The following HS3ST4 variants were observed in gnomAD, a reference collection of about 807,000 sequenced individuals.
HS3ST4 encodes the protein heparan sulfate-glucosamine 3-sulfotransferase 4.
Under a neutral mutation model 29.2 loss-of-function variants are expected in HS3ST4, and 17 were observed. The observed-to-expected ratio is 0.58, with a 90% CI of 0.40 to 0.87. The LOEUF is 0.87. Ranked by LOEUF, HS3ST4 falls within the 40% of genes least tolerant of loss-of-function variation. The pLI is 0.00. For missense variants in HS3ST4, 627 were observed against 634.5 expected (o/e 0.99, Z 0.13); for synonymous variants, 314 against 285.7 (o/e 1.10, Z -1.00).
chr16:26,053,011 G>A (rs1428432695), intron 1 of HS3ST4, among the ~76,000 whole-genome samples: 1 of 152,228 alleles, frequency 6.6e-6, no homozygotes, highest in African/African-American at 2.4e-5. Context: ...ATTGGAAAAA[G>A]TGAAGTAAAC....
chr16:25,932,683 A>G (rs907243055), intron 1 of HS3ST4, among the ~76,000 whole-genome samples: 13 of 152,174 alleles, frequency 8.5e-5, no homozygotes, highest in African/African-American at 3.1e-4. Flanking sequence ...AGCACTTTAA[A>G]TGCATGATCC....
intron 1 of HS3ST4, among the ~76,000 whole-genome samples, chr16:26,082,492 T>G (rs1898735698): frequency 6.6e-6 from 1 of 152,230 alleles, no homozygotes; most frequent in East Asian, 1.9e-4. Context: ...TGTTACTCAC[T>G]TGGGCACATT....
At chr16:25,939,514 T>G (rs913236033) in intron 1 of HS3ST4, among the ~76,000 whole-genome samples, 1 of 151,856 alleles carries the variant, frequency 6.6e-6, no homozygotes, top group African/African-American at 2.4e-5. Flanking sequence ...ATTTTTGTGT[T>G]TTTTAGTAGA....
At chr16:25,966,377 A>G (rs144859222) in intron 1 of HS3ST4, among the ~76,000 whole-genome samples, 2,042 of 152,164 alleles carry the variant, frequency 0.013, 20 homozygotes, top group Non-Finnish European at 0.02. Flanking sequence ...TAGAAACCAT[A>G]CTCTGACTCC....
intron 1 of HS3ST4, among the ~76,000 whole-genome samples, chr16:25,710,422 G>A (rs1300592240): frequency 1.4e-5 from 1 of 72,648 alleles, no homozygotes; most frequent in Non-Finnish European, 3.6e-5. Context: ...ATTTCCTATG[G>A]ACTTTTGATG....
intron 1 of HS3ST4, among the ~76,000 whole-genome samples, chr16:26,117,152 T>G (rs767231899): frequency 6.6e-6 from 1 of 152,202 alleles, no homozygotes; most frequent in Non-Finnish European, 1.5e-5. Context: ...ATCCTCCCTG[T>G]GGGGACTAAG....
chr16:25,794,938 C>CACAT (rs1555466050), intron 1 of HS3ST4, among the ~76,000 whole-genome samples: 6 of 132,568 alleles, frequency 4.5e-5, no homozygotes, highest in African/African-American at 1.4e-4. Context: ...CACACACACA[C>CACAT]ATATATATTC....
At chr16:25,862,807 C>T (rs923062561) in intron 1 of HS3ST4, among the ~76,000 whole-genome samples, 10 of 152,194 alleles carry the variant, frequency 6.6e-5, no homozygotes, top group Non-Finnish European at 7.3e-5. Context: ...GTGAAAATGT[C>T]GCATCATTGG....
chr16:26,134,346 TCTTTTCTTTTCTTTTC>T (rs1261024712), intron 1 of HS3ST4, among the ~76,000 whole-genome samples: 7 of 113,762 alleles, frequency 6.2e-5, no homozygotes, highest in African/African-American at 2.5e-4. Flanking sequence ...TCTTTTCTTT[TCTTTTCTTTTCTTTTC>T]TTTTTTTTTT....
At chr16:26,019,148 C>A (rs551563491) in intron 1 of HS3ST4, among the ~76,000 whole-genome samples, 19 of 152,114 alleles carry the variant, frequency 1.2e-4, no homozygotes, top group African/African-American at 4.6e-4. Flanking sequence ...TCATCTGCTA[C>A]CCCCCGATCC....
At chr16:25,953,827 G>A (rs946014353) in intron 1 of HS3ST4, among the ~76,000 whole-genome samples, 3 of 152,180 alleles carry the variant, frequency 2.0e-5, no homozygotes, top group Non-Finnish European at 4.4e-5. Flanking sequence ...GGGAACTCTG[G>A]TGAACTGTGC....
intron 1 of HS3ST4, among the ~76,000 whole-genome samples, chr16:25,892,682 C>T (rs1968022251): frequency 6.6e-6 from 1 of 152,158 alleles, no homozygotes; most frequent in African/African-American, 2.4e-5. Context: ...GGGAGATAGC[C>T]TCAGCTGTGT....
intron 1 of HS3ST4, among the ~76,000 whole-genome samples, chr16:26,096,116 C>T (rs1346991114): frequency 6.6e-6 from 1 of 152,022 alleles, no homozygotes; most frequent in Non-Finnish European, 1.5e-5. Context: ...GCTTACCAAC[C>T]AAAAAAGTCC....
At chr16:25,939,218 A>C (rs111347324) in intron 1 of HS3ST4, among the ~76,000 whole-genome samples, 12,067 of 152,088 alleles carry the variant, frequency 0.079, 523 homozygotes, top group South Asian at 0.14. Context: ...TGTAGACCCA[A>C]AGTAACCAGA....
chr16:25,750,502 C>T (rs1427909764), intron 1 of HS3ST4, among the ~76,000 whole-genome samples: 2 of 152,132 alleles, frequency 1.3e-5, no homozygotes, highest in East Asian at 1.9e-4. Flanking sequence ...CTGATGCTAC[C>T]TTTGTGTCTA....
chr16:25,780,660 G>A (rs1263958255), intron 1 of HS3ST4, among the ~76,000 whole-genome samples: 1 of 152,162 alleles, frequency 6.6e-6, no homozygotes, highest in East Asian at 1.9e-4. Flanking sequence ...AAATAACAGT[G>A]CGTACCTCAT....
intron 1 of HS3ST4, among the ~76,000 whole-genome samples, chr16:25,784,886 T>A (rs1288664584): frequency 6.6e-6 from 1 of 152,240 alleles, no homozygotes; most frequent in Non-Finnish European, 1.5e-5. Context: ...TCTAGAACTT[T>A]CAGGGCTAGA....
intron 1 of HS3ST4, among the ~76,000 whole-genome samples, chr16:26,127,839 T>G (rs182056952): frequency 6.6e-6 from 1 of 152,374 alleles, no homozygotes; most frequent in East Asian, 1.9e-4. Context: ...TGTACCTGCC[T>G]GGCACAAACT....
chr16:25,789,444 TTCCTTCCTTCCTTCCTTCC>T lies in HS3ST4; in HGVS notation c.734+96295_734+96313del, dbSNP rs1567240203. On this transcript the variant is annotated intron_variant, in intron 1 of 1. Coordinates refer to ENST00000331351, the MANE Select transcript of HS3ST4 (RefSeq NM_006040.3). ...CTTCCTTCCTTCCTTCCTTCCTTCC[TTCCTTCCTTCCTTCCTTCC>T]TTCCTTCTTTCTTTCTTTCTCTTTC... Among the ~76,000 whole-genome samples the T allele has an allele frequency of 1.1e-3, 77 of 71,552 alleles. 4 individuals carry two copies. Among genetic ancestry groups the T allele is most frequent in the African/African-American group, 2.2e-3 (50 of 23,098 alleles). 46.9% of individuals were successfully genotyped at this position (71,552 alleles called of 152,430 possible).
Sources: allele counts gnomAD v4.1 joint callset (sites outside exome capture counted in the v4.1 genomes callset), GRCh38; gene constraint gnomAD v4.1.1; transcripts MANE v1.5; gene names NCBI Gene and HGNC (gene_info 2026-07-23, HGNC 2026-07-21).